Variants in SPTAN1 observed in about 807,000 individuals in gnomAD.
The protein encoded by SPTAN1 is spectrin alpha chain, non-erythrocytic 1.
In SPTAN1, 61 loss-of-function variants were observed where a neutral mutation model predicts 331.3. That is an observed-to-expected ratio of 0.18 (90% CI 0.15 to 0.23). The LOEUF (loss-of-function observed/expected upper bound fraction) is 0.23, where lower values mean the gene tolerates loss of function less well. Ranked by LOEUF, SPTAN1 falls within the 10% of genes least tolerant of loss-of-function variation. The probability of loss-of-function intolerance (pLI) is 1.00; values close to 1 mark genes in which losing one functional copy is unlikely to be tolerated. For synonymous variants in SPTAN1, 1,153 were observed against 1,173.9 expected, an observed-to-expected ratio of 0.98 and a Z score of 0.36; for missense variants, 2,043 against 3,147.9, an observed-to-expected ratio of 0.65 and a Z score of 8.40.
chr9:128,592,017 A>T (rs1160558047), intron 22 of SPTAN1, among the ~76,000 whole-genome samples: 1 of 152,108 alleles, frequency 6.6e-6, no homozygotes, highest in Non-Finnish European at 1.5e-5. Context: ...GGAATTTTGT[A>T]ATGAAATGGC....
At position 128,577,187 on chromosome 9, in the gene SPTAN1, G is replaced by T. The variant is rs1851405783; in HGVS notation, c.844G>T (p.Asp282Tyr). ...KEKEQLMASDDFGRDLASVQA... is the reference protein window; with the variant it reads ...KEKEQLMASDYFGRDLASVQA... The stretch of plus-strand genomic sequence containing the variant: ...AAAGGAGCAGTTAATGGCCTCTGAT[G>T]ATTTTGGCCGAGACCTGGCAAGTGT... Residue 282 changes from aspartate (D) to tyrosine (Y), a missense_variant, in exon 7 of 57, where the codon GAT (aspartate) becomes TAT (tyrosine). Asp to Tyr is a radical substitution (Grantham distance 160, BLOSUM62 -3). Around this residue, in one of 12 missense-constraint regions of SPTAN1, gnomAD observed 1,038 missense variants for 1,531.5 expected, o/e 0.68. Coordinates refer to ENST00000372739, the MANE Select transcript of SPTAN1 (RefSeq NM_001130438.3). The surrounding 1 kb of genome is among the most constrained non-coding windows in gnomAD (Gnocchi z 4.2). 2 of 1,614,210 alleles carry T rather than the reference G, an allele frequency of 1.2e-6. No homozygotes were observed.
chr9:128,586,892 A>G (rs562242266), intron 19 of SPTAN1, among the ~76,000 whole-genome samples: 5 of 151,910 alleles, frequency 3.3e-5, no homozygotes, highest in African/African-American at 9.7e-5. Context: ...ATCTCGGATA[A>G]CTGCAACCTC....
intron 41 of SPTAN1, among the ~76,000 whole-genome samples, chr9:128,617,293 C>T (rs1386067768): frequency 6.6e-6 from 1 of 151,130 alleles, no homozygotes; most frequent in African/African-American, 2.4e-5. Context: ...TGTATATTTA[C>T]AGACATATAT....
intron 5 of SPTAN1, among the ~76,000 whole-genome samples, chr9:128,575,658 T>C (rs1404713347): frequency 1.3e-5 from 2 of 152,128 alleles, no homozygotes; most frequent in African/African-American, 2.4e-5. Flanking sequence ...CAGACGAGGG[T>C]GTGGTGGTGA....
chr9:128,568,840 G>A lies in SPTAN1; in HGVS notation c.306G>A (p.Leu102=). ...VQANSGAIVK[L]DETGNLMISE... The stretch of plus-strand genomic sequence containing the variant: ...CCAACTCAGGAGCCATTGTTAAGCT[G>A]GATGAAACTGGAAACCTGATGATCT... Residue 102 remains leucine (L), a synonymous_variant, in exon 3 of 57, where the codon CTG becomes CTA. Coordinates refer to ENST00000372739, the MANE Select transcript of SPTAN1 (RefSeq NM_001130438.3). 6.2e-7 allele frequency: 1 copy of A among 1,614,142 alleles called. No individual in the cohort carries two copies. The highest frequency in any genetic ancestry group is 8.5e-7 in the Non-Finnish European group (1 of 1,180,020).
rs778711282 is a variant in SPTAN1 at position 128,613,520 on chromosome 9, T to G, written c.5148+35T>G. The G allele has an allele frequency of 4.2e-5, 65 of 1,550,794 alleles. No individual in the cohort carries two copies. The Middle Eastern group carries it at 6.1e-4, about 14-fold the overall frequency. Reference sequence around the variant, plus strand: ...GGGAGGCGGGCCAGGCCCGAGTGCCTGGGACACAGCTCTGCCTGACTCCTA... The same window carrying G: ...GGGAGGCGGGCCAGGCCCGAGTGCCGGGGACACAGCTCTGCCTGACTCCTA... On this transcript the variant is annotated intron_variant, in intron 40 of 56. Transcript: ENST00000372739.
At chr9:128,562,765 C>T (rs549394239) in intron 1 of SPTAN1, among the ~76,000 whole-genome samples, 4 of 151,720 alleles carry the variant, frequency 2.6e-5, no homozygotes, top group Non-Finnish European at 5.9e-5. Context: ...GAGATCGAGA[C>T]CATCCTGGCT....
intron 31 of SPTAN1, 95 bp from the exon 32 acceptor site, chr9:128,607,509 C>G: frequency 1.8e-6 from 2 of 1,123,312 alleles, no homozygotes; most frequent in Non-Finnish European, 1.4e-6. Context: ...AGATAACTTT[C>G]TGAGGCAAGA....
At chr9:128,601,363 T>C (rs1356137542) in intron 27 of SPTAN1, 1 of 152,184 alleles carries the variant, frequency 6.6e-6, no homozygotes, top group African/African-American at 2.4e-5. Context: ...TCTTCCCTCC[T>C]GACCCAGCTC....
rs1858305565 is a variant in SPTAN1 at position 128,623,902 on chromosome 9, A to G, written c.5833-426A>G. ...GGAGTTCGAGACCAGCCTGACCAAC[A>G]TGGTGAAACCCCCATCTCTACTAAA... On this transcript the variant is annotated intron_variant, in intron 45 of 56. Coordinates refer to ENST00000372739, the MANE Select transcript of SPTAN1 (RefSeq NM_001130438.3). Among the ~76,000 whole-genome samples, 3 of 151,536 alleles carry G rather than the reference A, an allele frequency of 2.0e-5. No homozygotes were observed. In the South Asian group the frequency reaches 6.2e-4, roughly 32 times the overall value.
intron 27 of SPTAN1, among the ~76,000 whole-genome samples, chr9:128,603,033 T>A (rs185471840): frequency 6.6e-6 from 1 of 152,362 alleles, no homozygotes; most frequent in East Asian, 1.9e-4. Context: ...GCTAATTCAC[T>A]GCTTTATTTT....
At chr9:128,567,048 G>A in intron 2 of SPTAN1, 71 bp downstream of exon 2, 2 of 1,602,908 alleles carry the variant, frequency 1.2e-6, no homozygotes, top group East Asian at 2.2e-5. Context: ...AATCAGACGA[G>A]GAAAGTTACT....
chr9:128,629,712 G>T lies in SPTAN1; in HGVS notation c.6708-609G>T. 1 of 187,698 alleles carries T rather than the reference G, an allele frequency of 5.3e-6. No homozygotes were observed. Among genetic ancestry groups the T allele is most frequent in the Non-Finnish European group, 1.1e-5 (1 of 88,898 alleles). The allele number at this position is 187,698 out of a possible 1,614,324, so 11.6% of individuals were successfully genotyped here. On this transcript the variant is annotated intron_variant, in intron 51 of 56. Coordinates refer to ENST00000372739, the MANE Select transcript of SPTAN1 (RefSeq NM_001130438.3). This position sits in a 1 kb window ranked among gnomAD's most constrained non-coding sequence, Gnocchi z 4.9. ...TCCTAGAGAGGAGGCTCCCTCCCTGGCTGTGTCTAGAGGATGGAACCGGGA... is the reference window on the plus strand; with the variant it reads ...TCCTAGAGAGGAGGCTCCCTCCCTGTCTGTGTCTAGAGGATGGAACCGGGA...
intron 48 of SPTAN1, chr9:128,626,181 A>G (rs911589939): frequency 3.4e-6 from 3 of 879,410 alleles, no homozygotes; most frequent in Non-Finnish European, 5.3e-6. Flanking sequence ...CACGCAGGAC[A>G]GACTAGAGAC....
At chr9:128,580,166 T>C (rs1192754746) in intron 10 of SPTAN1, among the ~76,000 whole-genome samples, 1 of 151,862 alleles carries the variant, frequency 6.6e-6, no homozygotes, top group African/African-American at 2.4e-5. Context: ...ATTAATAAAT[T>C]AGCCAGACAT....
At chr9:128,614,589 C>CAA (rs1272628247) in intron 40 of SPTAN1, among the ~76,000 whole-genome samples, 2 of 104,646 alleles carry the variant, frequency 1.9e-5, no homozygotes, top group East Asian at 5.5e-4. Context: ...GACTACGTCT[C>CAA]AAAAAAAAAA....
rs1246762025 is a variant in SPTAN1 at position 128,629,694 on chromosome 9, G to A, written c.6708-627G>A. ...TCTGCTCTCAGAACTTGGTCCTAGA[G>A]AGGAGGCTCCCTCCCTGGCTGTGTC... On this transcript the variant is annotated intron_variant, in intron 51 of 56. Coordinates refer to ENST00000372739, the MANE Select transcript of SPTAN1 (RefSeq NM_001130438.3). The surrounding 1 kb of genome is among the most constrained non-coding windows in gnomAD (Gnocchi z 4.9). 5.4e-6 allele frequency: 1 copy of A among 186,198 alleles called. No individual in the cohort carries two copies. Among genetic ancestry groups the A allele is most frequent in the East Asian group, 1.3e-4 (1 of 7,590 alleles). The allele number at this position is 186,198 out of a possible 1,614,324, so 11.5% of individuals were successfully genotyped here.
At chr9:128,608,820 A>AG in intron 34 of SPTAN1, 54 bp from the exon 35 acceptor site, 1 of 1,563,534 alleles carries the variant, frequency 6.4e-7, no homozygotes, top group Non-Finnish European at 8.8e-7. Flanking sequence ...CTGGCAGTCC[A>AG]GGCAGGGCCC....
chr9:128,576,806 T>C lies in SPTAN1; in HGVS notation c.652-17T>C. On this transcript the variant is annotated splice_polypyrimidine_tract_variant and intron_variant, in intron 5 of 56. Transcript: ENST00000372739. ...AGAAGTTGTGTACAAATCCAGTCTC[T>C]TCTCTTCCTTGTTTAGGAGCAGCAC... 6.2e-7 allele frequency: 1 copy of C among 1,613,204 alleles called. No individual in the cohort carries two copies. The highest frequency in any genetic ancestry group is 8.5e-7 in the Non-Finnish European group (1 of 1,179,954).
Sources: allele counts gnomAD v4.1 joint callset (sites outside exome capture counted in the v4.1 genomes callset), GRCh38; gene constraint gnomAD v4.1.1; regional missense constraint gnomAD v4.1.1; non-coding constraint Gnocchi (gnomAD v3.1); transcripts MANE v1.5; gene names NCBI Gene and HGNC (gene_info 2026-07-23, HGNC 2026-07-21).